Variants in TAFA4 observed in about 807,000 individuals in gnomAD.
TAFA4 encodes the protein TAFA chemokine like family member 4, also known as chemokine-like protein TAFA-4.
TAFA4 carries 20 observed loss-of-function variants against 21.1 expected under a neutral mutation model. The ratio of observed to expected loss-of-function variants is 0.95; its 90% CI spans 0.67 to 1.38. TAFA4 has a LOEUF of 1.38. Among genes scored for constraint, TAFA4 ranks in the 40% most tolerant of loss-of-function variants. The pLI, the probability that TAFA4 is intolerant of heterozygous loss-of-function variation, is 0.00. For missense variants in TAFA4, 211 were observed against 180.9 expected (o/e 1.17, Z -0.95); for synonymous variants, 71 against 67.4 (o/e 1.05, Z -0.26).
chr3:68,811,352 G>C (rs974980030), intron 3 of TAFA4, among the ~76,000 whole-genome samples: 3 of 152,156 alleles, frequency 2.0e-5, no homozygotes, highest in Admixed American at 2.0e-4. Flanking sequence ...AGACAAGAAG[G>C]CTTCAGATGA....
At position 68,732,863 on chromosome 3, in the gene TAFA4, T is replaced by C. The variant is rs1278726622; in HGVS notation, c.*279A>G. 1 of 465,502 alleles carries C rather than the reference T, an allele frequency of 2.1e-6. No homozygotes were observed. The highest frequency in any genetic ancestry group is 3.8e-6 in the Non-Finnish European group (1 of 261,122). 28.8% of individuals were successfully genotyped at this position (465,502 alleles called of 1,614,324 possible). A position where few individuals can be genotyped will look rare whatever the true frequency, so the allele number is the denominator to read the frequency against. On this transcript the variant is annotated 3_prime_UTR_variant, in exon 6 of 6. Transcript: ENST00000295569. ...CTTAGTGGTGATCCATTTTGAAGAC[T>C]CTGATTTGCTCTTCTCGGATTTTGG... is the stretch of plus-strand genomic sequence containing the variant.
At chr3:68,795,437 C>T (rs766748470) in intron 3 of TAFA4, among the ~76,000 whole-genome samples, 2 of 152,062 alleles carry the variant, frequency 1.3e-5, no homozygotes, top group Non-Finnish European at 2.9e-5. Flanking sequence ...AGATGGCCAA[C>T]GCCTTGCATT....
rs532283872 is a variant in TAFA4, at chr3:68,784,936, T to C, written c.131-31918A>G. 6.3e-4 allele frequency among the ~76,000 whole-genome samples: 96 copies of C among 152,222 alleles called. 1 individual carries two copies. The South Asian group carries it at 0.017, about 27-fold the overall frequency. ...AGAGTAGCTAGATACAGAGTGTCGA[T>C]TGGTGCATTCACAAACCCTGAGCTA... On this transcript the variant is annotated intron_variant, in intron 3 of 5. Transcript: ENST00000295569.
At chr3:68,901,629 G>A (rs1441566638) in intron 1 of TAFA4, among the ~76,000 whole-genome samples, 1 of 152,112 alleles carries the variant, frequency 6.6e-6, no homozygotes, top group Non-Finnish European at 1.5e-5. Context: ...AGCTCCATAT[G>A]GTAATATTGT....
chr3:68,892,038 G>A (rs915869203), intron 1 of TAFA4, among the ~76,000 whole-genome samples: 1 of 152,036 alleles, frequency 6.6e-6, no homozygotes, highest in African/African-American at 2.4e-5. Flanking sequence ...AAGTAAATGT[G>A]CTTAACAGGT....
chr3:68,760,375 C>T (rs894856331), intron 3 of TAFA4, among the ~76,000 whole-genome samples: 2 of 152,184 alleles, frequency 1.3e-5, no homozygotes, highest in African/African-American at 2.4e-5. Flanking sequence ...TACAAAACCA[C>T]ATCTGCAATA....
intron 3 of TAFA4, among the ~76,000 whole-genome samples, chr3:68,827,591 G>C (rs571069381): frequency 2.0e-5 from 3 of 152,218 alleles, no homozygotes; most frequent in African/African-American, 7.2e-5. Flanking sequence ...ACTGGCAAGA[G>C]ATGGTATCTC....
At position 68,925,516 on chromosome 3, in the gene TAFA4, C is replaced by T. The variant is rs1232218825; in HGVS notation, c.-123+6724G>A. ...GTACAAAATATTTATGGCTTTCAGACTACTTAAAATCTTAAACTAGACACC... is the reference window on the plus strand; with the variant it reads ...GTACAAAATATTTATGGCTTTCAGATTACTTAAAATCTTAAACTAGACACC... On this transcript the variant is annotated intron_variant, in intron 1 of 5. Transcript: ENST00000295569. 3.3e-5 allele frequency among the ~76,000 whole-genome samples: 5 copies of T among 152,252 alleles called. No homozygotes were observed. In the East Asian group the frequency reaches 9.7e-4, roughly 29 times the overall value.
intron 3 of TAFA4, among the ~76,000 whole-genome samples, chr3:68,825,839 TCAAA>T (rs1209770857): frequency 2.6e-5 from 4 of 152,160 alleles, no homozygotes; most frequent in African/African-American, 7.2e-5. Flanking sequence ...ATCCCTCCTC[TCAAA>T]CAGTTTATAA....
chr3:68,799,549 C>A (rs577945402), intron 3 of TAFA4, among the ~76,000 whole-genome samples: 1 of 152,224 alleles, frequency 6.6e-6, no homozygotes, highest in South Asian at 2.1e-4. Context: ...GTGATTAAAT[C>A]AAGGAGCCAA....
At chr3:68,920,934 C>T (rs2090055337) in intron 1 of TAFA4, among the ~76,000 whole-genome samples, 1 of 152,156 alleles carries the variant, frequency 6.6e-6, no homozygotes, top group Non-Finnish European at 1.5e-5. Flanking sequence ...GAAGCCATCT[C>T]CAGCAGGGCC....
At chr3:68,860,327 T>C (rs2089318940) in intron 3 of TAFA4, among the ~76,000 whole-genome samples, 1 of 152,172 alleles carries the variant, frequency 6.6e-6, no homozygotes, top group East Asian at 1.9e-4. Flanking sequence ...TGTCACTCTT[T>C]AGGTTTTCAC....
chr3:68,858,465 G>T (rs1407316868), intron 3 of TAFA4, among the ~76,000 whole-genome samples: 2 of 152,028 alleles, frequency 1.3e-5, no homozygotes, highest in East Asian at 1.9e-4. Context: ...AAAAGGAAGA[G>T]AAATCATCAC....
At chr3:68,885,417 A>G (rs1476229589) in intron 1 of TAFA4, 107 bp from the exon 2 acceptor site, 1 of 540,198 alleles carries the variant, frequency 1.9e-6, no homozygotes, top group Non-Finnish European at 3.3e-6. Context: ...TGACACCTGC[A>G]GTTTCAGGCA....
chr3:68,889,219 A>T (rs191386198), intron 1 of TAFA4, among the ~76,000 whole-genome samples: 1 of 152,140 alleles, frequency 6.6e-6, no homozygotes, highest in African/African-American at 2.4e-5. Context: ...TGCATTTTTC[A>T]TCTTCTGCCC....
chr3:68,768,796 G>A (rs1702902153), intron 3 of TAFA4, among the ~76,000 whole-genome samples: 2 of 152,072 alleles, frequency 1.3e-5, no homozygotes, highest in Admixed American at 1.3e-4. Context: ...GTGACAACAT[G>A]GACGAATCTG....
chr3:68,827,143 T>A (rs1704258911), intron 3 of TAFA4, among the ~76,000 whole-genome samples: 1 of 151,950 alleles, frequency 6.6e-6, no homozygotes, highest in African/African-American at 2.4e-5. Flanking sequence ...GTGTTTGGTT[T>A]TCTGTCCTTG....
chr3:68,734,045 G>A (rs1227774796), intron 5 of TAFA4, among the ~76,000 whole-genome samples: 1 of 151,948 alleles, frequency 6.6e-6, no homozygotes, highest in Admixed American at 6.6e-5. Context: ...TTTCAGCTCT[G>A]CAGGCCATAC....
chr3:68,841,550 T>A (rs1321913656), intron 3 of TAFA4, among the ~76,000 whole-genome samples: 1 of 152,072 alleles, frequency 6.6e-6, no homozygotes, highest in Admixed American at 6.5e-5. Flanking sequence ...TAAGAGGAAC[T>A]TTTTTTCTGA....
Sources: allele counts gnomAD v4.1 joint callset (sites outside exome capture counted in the v4.1 genomes callset), GRCh38; gene constraint gnomAD v4.1.1; transcripts MANE v1.5; gene names NCBI Gene and HGNC (gene_info 2026-07-23, HGNC 2026-07-21).